The following KIF26B variants were observed in gnomAD, a reference collection of about 807,000 sequenced individuals.
KIF26B encodes kinesin family member 26B, also known as kinesin-like protein KIF26B.
Under a neutral mutation model 151.2 loss-of-function variants are expected in KIF26B, and 63 were observed. The observed-to-expected ratio is 0.42, with a 90% CI of 0.34 to 0.51. KIF26B has a LOEUF of 0.51. KIF26B is among the 20% of genes least tolerant of loss of function. The pLI, the probability that KIF26B is intolerant of heterozygous loss-of-function variation, is 0.07. For synonymous variants in KIF26B, 1,357 were observed against 1,262.1 expected, an observed-to-expected ratio of 1.08 and a Z score of -1.59; for missense variants, 2,813 against 2,913.6, an observed-to-expected ratio of 0.97 and a Z score of 0.79.
chr1:245,490,030 G>A (rs981963571), intron 4 of KIF26B, among the ~76,000 whole-genome samples: 4 of 152,112 alleles, frequency 2.6e-5, no homozygotes, highest in Non-Finnish European at 5.9e-5. Context: ...TTCTTTCCAC[G>A]TCCAAAGCCC....
chr1:245,596,438 G>A (rs1473777558), intron 5 of KIF26B, among the ~76,000 whole-genome samples: 1 of 152,164 alleles, frequency 6.6e-6, no homozygotes, highest in African/African-American at 2.4e-5. Flanking sequence ...TTCAGAAGCA[G>A]GTTGTTCAGT....
At chr1:245,215,308 C>T (rs950564579) in intron 2 of KIF26B, among the ~76,000 whole-genome samples, 7 of 152,066 alleles carry the variant, frequency 4.6e-5, no homozygotes, top group East Asian at 1.9e-4. Flanking sequence ...CAGCATGACA[C>T]GGTCCAGGTA....
chr1:245,582,973 A>T (rs1297679108), intron 5 of KIF26B, among the ~76,000 whole-genome samples: 2 of 151,968 alleles, frequency 1.3e-5, no homozygotes, highest in African/African-American at 4.8e-5. Flanking sequence ...ACTCTCTCTC[A>T]GAGGTGGCAG....
intron 2 of KIF26B, among the ~76,000 whole-genome samples, chr1:245,275,250 G>A (rs1419461688): frequency 6.6e-6 from 1 of 151,822 alleles, no homozygotes; most frequent in Non-Finnish European, 1.5e-5. Context: ...GATAGATACA[G>A]TGCAAAAATT....
At chr1:245,542,071 G>A (rs1028589287) in intron 5 of KIF26B, among the ~76,000 whole-genome samples, 2 of 152,202 alleles carry the variant, frequency 1.3e-5, no homozygotes, top group Non-Finnish European at 1.5e-5. Context: ...ACATGGAATA[G>A]GTCAGGCACT....
Position 245,621,835 on chromosome 1 carries a change from C to T in KIF26B, c.2098+9859C>T, listed in dbSNP as rs530806214. Among the ~76,000 whole-genome samples, 116 of 152,320 alleles carry T rather than the reference C, an allele frequency of 7.6e-4. 1 individual carries two copies. Among genetic ancestry groups the T allele is most frequent in the Non-Finnish European group, 1.4e-3 (94 of 68,030 alleles). On this transcript the variant is annotated intron_variant, in intron 9 of 14. Coordinates refer to ENST00000407071, the MANE Select transcript of KIF26B (RefSeq NM_018012.4). ...GTGCCTACGGCAACTCCAATAGGCA[C>T]GGAGCAGAGAGTAGATTTTCCATTG...
intron 2 of KIF26B, among the ~76,000 whole-genome samples, chr1:245,182,922 C>T (rs1008945642): frequency 1.3e-5 from 2 of 152,348 alleles, no homozygotes; most frequent in East Asian, 3.9e-4. Context: ...AGGCGTGAGC[C>T]ACCACGCCCG....
intron 4 of KIF26B, among the ~76,000 whole-genome samples, chr1:245,502,805 CAG>C (rs945674899): frequency 6.6e-6 from 1 of 150,882 alleles, no homozygotes; most frequent in Non-Finnish European, 1.5e-5. Context: ...TTTGTCATGA[CAG>C]GGGGATATCT....
At chr1:245,542,022 TGTG>T (rs1357614735) in intron 5 of KIF26B, among the ~76,000 whole-genome samples, 2 of 152,186 alleles carry the variant, frequency 1.3e-5, no homozygotes, top group Admixed American at 6.5e-5. Context: ...ATTAACTTCA[TGTG>T]GTACTTTTCC....
At position 245,512,042 on chromosome 1, in the gene KIF26B, A is replaced by G. The variant is rs553313089; in HGVS notation, c.1167-28725A>G. Among the ~76,000 whole-genome samples, 5 of 152,292 alleles carry G rather than the reference A, an allele frequency of 3.3e-5. No homozygotes were observed. The East Asian group carries it at 9.6e-4, about 29-fold the overall frequency. On this transcript the variant is annotated intron_variant, in intron 4 of 14. Transcript: ENST00000407071. The surrounding 1 kb of genome is among the most constrained non-coding windows in gnomAD (Gnocchi z 4.3). ...GAGGAGGCTTTTAAGATCATAAATC[A>G]CTTAGGTAAGGTCATCAAAAGAGAT...
rs537980408 is a variant in KIF26B, at chr1:245,465,185, G to A, written c.1166+45440G>A. 2.2e-4 allele frequency among the ~76,000 whole-genome samples: 34 copies of A among 152,194 alleles called. 1 individual carries two copies. The East Asian group carries it at 4.1e-3, about 18-fold the overall frequency. On this transcript the variant is annotated intron_variant, in intron 4 of 14. Coordinates refer to ENST00000407071, the MANE Select transcript of KIF26B (RefSeq NM_018012.4). ...AGTAGAGACGGGGTTTCCCCATGTTGGCCAGGATGGTCTCCATCTCCTGAC... is the reference window on the plus strand; with the variant it reads ...AGTAGAGACGGGGTTTCCCCATGTTAGCCAGGATGGTCTCCATCTCCTGAC...
At chr1:245,694,612 G>A (rs1471530718) in intron 12 of KIF26B, among the ~76,000 whole-genome samples, 1 of 152,168 alleles carries the variant, frequency 6.6e-6, no homozygotes, top group Non-Finnish European at 1.5e-5. Flanking sequence ...CTTCTCACGT[G>A]GGCTGTCAGC....
Position 245,244,346 on chromosome 1 carries a change from C to T in KIF26B, c.465+87663C>T, listed in dbSNP as rs1362015493. ...CTCTGAAAGACAATCCAAGATACGTCAGAGTCTCTTCTTGGGAAATATGGA... is the reference window on the plus strand; with the variant it reads ...CTCTGAAAGACAATCCAAGATACGTTAGAGTCTCTTCTTGGGAAATATGGA... On this transcript the variant is annotated intron_variant, in intron 2 of 14. Coordinates refer to ENST00000407071, the MANE Select transcript of KIF26B (RefSeq NM_018012.4). This position sits in a 1 kb window ranked among gnomAD's most constrained non-coding sequence, Gnocchi z 4.2. 1.3e-5 allele frequency among the ~76,000 whole-genome samples: 2 copies of T among 152,100 alleles called. No homozygotes were observed. The highest frequency in any genetic ancestry group is 3.9e-4 in the East Asian group (2 of 5,186).
rs150834033 is a variant in KIF26B at position 245,688,307 on chromosome 1, C to A, written c.5324C>A (p.Pro1775His). The change falls in exon 12 of 15, where the codon CCC becomes CAC. Residue 1775 changes from proline (P) to histidine (H), a missense_variant. Pro to His is a moderately conservative substitution (Grantham distance 77). This residue lies in a region of KIF26B where 2,060 missense variants were observed against 2,088.6 expected (regional missense o/e 0.99). Coordinates refer to ENST00000407071, the MANE Select transcript of KIF26B (RefSeq NM_018012.4). ...QAVGQGSSSP[P>H]GGKHTPWSTQ... is the part of the protein sequence containing the mutation. ...GTGGGCCAGGGCTCCAGCTCGCCCC[C>A]CGGTGGGAAGCACACGCCCTGGTCC... is the stretch of plus-strand genomic sequence containing the variant. 5 of 1,595,632 alleles carry A rather than the reference C, an allele frequency of 3.1e-6. No homozygotes were observed. Among genetic ancestry groups the A allele is most frequent in the East Asian group, 2.2e-5 (1 of 44,690 alleles).
intron 2 of KIF26B, among the ~76,000 whole-genome samples, chr1:245,309,356 G>C (rs1316160063): frequency 6.6e-6 from 1 of 152,154 alleles, no homozygotes; most frequent in Non-Finnish European, 1.5e-5. Flanking sequence ...TCGAAGGCCT[G>C]AGTAGAACTG....
chr1:245,410,701 C>A (rs1069235), intron 3 of KIF26B, among the ~76,000 whole-genome samples: 1 of 152,040 alleles, frequency 6.6e-6, no homozygotes, highest in Non-Finnish European at 1.5e-5. Flanking sequence ...CTGTCTGCCT[C>A]GGCCCCCCAA....
chr1:245,495,400 T>A lies in KIF26B; in HGVS notation c.1167-45367T>A, dbSNP rs1660491792. Reference sequence around the variant, plus strand: ...TACATATTTATAGGATACAAAGTGATGATTTTGGTATAGGTGTACAATGTG... The same window carrying A: ...TACATATTTATAGGATACAAAGTGAAGATTTTGGTATAGGTGTACAATGTG... On this transcript the variant is annotated intron_variant, in intron 4 of 14. Transcript: ENST00000407071. This position sits in a 1 kb window ranked among gnomAD's most constrained non-coding sequence, Gnocchi z 4.2. Among the ~76,000 whole-genome samples, 1 of 152,246 alleles carries A rather than the reference T, an allele frequency of 6.6e-6. No homozygotes were observed. The highest frequency in any genetic ancestry group is 2.4e-5 in the African/African-American group (1 of 41,476).
chr1:245,650,511 C>A (rs6701020), intron 10 of KIF26B, among the ~76,000 whole-genome samples: 71,175 of 152,122 alleles, frequency 0.47, 17,475 homozygotes, highest in Non-Finnish European at 0.56. Context: ...CTCAGATTCT[C>A]ACCATGACCC....
In KIF26B at chr1:245,443,636, C is replaced by T. The variant is rs573244343; in HGVS notation, c.1166+23891C>T. 9.8e-5 allele frequency among the ~76,000 whole-genome samples: 10 copies of T among 102,210 alleles called. 1 individual carries two copies. The highest frequency in any genetic ancestry group is 2.3e-4 in the Admixed American group (2 of 8,716). The allele number at this position is 102,210 out of a possible 152,430, so 67.1% of individuals were successfully genotyped here. A position where few individuals can be genotyped will look rare whatever the true frequency, so the allele number is the denominator to read the frequency against. On this transcript the variant is annotated intron_variant, in intron 4 of 14. Transcript: ENST00000407071. ...CATCTCCCTCACTGTTCACCTAGAG[C>T]GGTCATCTCTCTCACTGTTCACCTA...
Sources: gnomAD v4.1 joint callset for allele counts (sites outside exome capture counted in the v4.1 genomes callset) on GRCh38, gnomAD v4.1.1 for gene constraint, gnomAD v4.1.1 regional missense constraint, Gnocchi (gnomAD v3.1) non-coding constraint, MANE v1.5 for transcripts, NCBI Gene and HGNC (gene_info 2026-07-23, HGNC 2026-07-21) for gene names.